Variants in FNDC1 observed in about 807,000 individuals in gnomAD.
FNDC1 encodes fibronectin type III domain-containing protein 1.
In FNDC1, 96 loss-of-function variants were observed where a neutral mutation model predicts 168.0. That is an observed-to-expected ratio of 0.57 (90% confidence interval 0.48 to 0.68). The LOEUF (loss-of-function observed/expected upper bound fraction) is 0.68, where lower values mean the gene tolerates loss of function less well. Ranked by LOEUF, FNDC1 falls within the 30% of genes least tolerant of loss-of-function variation. The pLI, the probability that FNDC1 is intolerant of heterozygous loss-of-function variation, is 0.00. For missense variants in FNDC1, 2,587 were observed against 2,482.1 expected (o/e 1.04, Z -0.90); for synonymous variants, 1,099 against 1,025.9 (o/e 1.07, Z -1.36).
At position 159,239,936 on chromosome 6, in the gene FNDC1, C is replaced by T. The variant is rs1312351388; in HGVS notation, c.4600C>T (p.Pro1534Ser). The change falls in exon 14 of 23, where the codon CCA becomes TCA. Residue 1534 changes from proline (P) to serine (S), a missense_variant. Pro to Ser is a moderately conservative substitution (Grantham distance 74, BLOSUM62 -1). Transcript: ENST00000297267. ...CCTGATAATGAGCTCCAATGGGATC[C>T]CAGAGTGCTACGCTGAAGAAGGTAA... ...GNLIMSSNGI[P>S]ECYAEEDEFS... The T allele has an allele frequency of 6.7e-7, 1 of 1,498,374 alleles. No homozygotes were observed. Among genetic ancestry groups the T allele is most frequent in the Non-Finnish European group, 8.9e-7 (1 of 1,118,088 alleles). 92.8% of individuals were successfully genotyped at this position (1,498,374 alleles called of 1,614,324 possible).
intron 10 of FNDC1, among the ~76,000 whole-genome samples, chr6:159,230,656 A>C (rs1783061731): frequency 6.6e-6 from 1 of 152,238 alleles, no homozygotes; most frequent in African/African-American, 2.4e-5. Context: ...CAAACAAGTT[A>C]ATAAAGATCC....
chr6:159,229,509 G>T (rs1783035995), intron 9 of FNDC1, among the ~76,000 whole-genome samples: 2 of 152,282 alleles, frequency 1.3e-5, no homozygotes, highest in South Asian at 4.2e-4. Context: ...TACAATTTTA[G>T]AAACCCAACG....
intron 1 of FNDC1, among the ~76,000 whole-genome samples, chr6:159,175,251 C>G (rs1781738777): frequency 6.6e-6 from 1 of 152,104 alleles, no homozygotes; most frequent in Non-Finnish European, 1.5e-5. Context: ...TTCACCATTT[C>G]TCTCTGTTAT....
chr6:159,254,630 C>T (rs904224745), intron 17 of FNDC1, among the ~76,000 whole-genome samples: 2 of 149,116 alleles, frequency 1.3e-5, no homozygotes, highest in African/African-American at 5.0e-5. Flanking sequence ...ATGGTGTGAA[C>T]CCGGGAGGTG....
At chr6:159,254,862 C>T (rs553495675) in intron 17 of FNDC1, among the ~76,000 whole-genome samples, 1 of 152,222 alleles carries the variant, frequency 6.6e-6, no homozygotes, top group African/African-American at 2.4e-5. Flanking sequence ...TTCAAGTCTC[C>T]TTCTATCTCA....
At chr6:159,177,874 C>G (rs1781797125) in intron 1 of FNDC1, among the ~76,000 whole-genome samples, 1 of 152,078 alleles carries the variant, frequency 6.6e-6, no homozygotes, top group Admixed American at 6.5e-5. Flanking sequence ...GTGCCCATTC[C>G]CCCGCAGACA....
Position 159,231,268 on chromosome 6 carries a change from G to C in FNDC1, c.1370-614G>C, listed in dbSNP as rs573533104. Among the ~76,000 whole-genome samples, 108 of 80,840 alleles carry C rather than the reference G, an allele frequency of 1.3e-3. 23 individuals carry two copies. The highest frequency in any genetic ancestry group is 2.9e-3 in the African/African-American group (97 of 33,924). 53.0% of individuals were successfully genotyped at this position (80,840 alleles called of 152,430 possible). A position where few individuals can be genotyped will look rare whatever the true frequency, so the allele number is the denominator to read the frequency against. On this transcript the variant is annotated intron_variant, in intron 10 of 22. Transcript: ENST00000297267. ...CGGGCGCCTGTAGTCCCAGCTACTC[G>C]GGAGGCTGAGGCAGGAGAATGGCGT...
At chr6:159,209,855 G>T (rs912185432) in intron 4 of FNDC1, among the ~76,000 whole-genome samples, 1 of 151,996 alleles carries the variant, frequency 6.6e-6, no homozygotes, top group Non-Finnish European at 1.5e-5. Context: ...TGAAAATGCA[G>T]CAAGAGTTTA....
At chr6:159,244,622 C>T (rs1183444047) in intron 14 of FNDC1, among the ~76,000 whole-genome samples, 1 of 152,206 alleles carries the variant, frequency 6.6e-6, no homozygotes, top group Non-Finnish European at 1.5e-5. Flanking sequence ...AGTTTATATA[C>T]CTTCTACTTC....
intron 18 of FNDC1, among the ~76,000 whole-genome samples, chr6:159,258,496 G>A (rs922645071): frequency 3.3e-5 from 5 of 152,212 alleles, no homozygotes; most frequent in African/African-American, 1.2e-4. Context: ...TCCCAGCAGA[G>A]AGGATGTCTC....
rs994882048 is a variant in FNDC1, at chr6:159,234,266, C to T, written c.3754C>T (p.Pro1252Ser). Reference sequence around the variant, plus strand: ...TCTCCCCCCACCTCCAGGCAGCTCCCCCAGGGCCTCCCACGTCCCTTCCCG... The same window carrying T: ...TCTCCCCCCACCTCCAGGCAGCTCCTCCAGGGCCTCCCACGTCCCTTCCCG... ...RPLPPPPGSS[P>S]RASHVPSRLP... is the part of the protein sequence containing the mutation. The change falls in exon 11 of 23, where the codon CCC becomes TCC. Residue 1252 changes from proline to serine, a missense_variant. Physicochemically the swap from Pro to Ser is moderately conservative, Grantham distance 74. Coordinates refer to ENST00000297267, the MANE Select transcript of FNDC1 (RefSeq NM_032532.3). 1 of 1,593,536 alleles carries T rather than the reference C, an allele frequency of 6.3e-7. No homozygotes were observed. Among genetic ancestry groups the T allele is most frequent in the Non-Finnish European group, 8.5e-7 (1 of 1,170,218 alleles).
At chr6:159,190,597 C>T (rs1292201948) in intron 1 of FNDC1, among the ~76,000 whole-genome samples, 2 of 152,288 alleles carry the variant, frequency 1.3e-5, no homozygotes, top group African/African-American at 2.4e-5. Flanking sequence ...AGCAGGGAGA[C>T]GAGGAGGTAG....
chr6:159,252,499 A>G (rs1206317149), intron 17 of FNDC1, among the ~76,000 whole-genome samples: 1 of 152,240 alleles, frequency 6.6e-6, no homozygotes, highest in African/African-American at 2.4e-5. Flanking sequence ...AGGGACACAG[A>G]AAAGAAGGCT....
intron 1 of FNDC1, among the ~76,000 whole-genome samples, chr6:159,189,648 C>A (rs747381792): frequency 3.9e-5 from 6 of 152,202 alleles, no homozygotes; most frequent in African/African-American, 1.4e-4. Flanking sequence ...ACTCTCACCC[C>A]TCCTGGGCGT....
chr6:159,205,862 T>C (rs1467385267), intron 4 of FNDC1, among the ~76,000 whole-genome samples: 5 of 152,354 alleles, frequency 3.3e-5, no homozygotes, highest in Non-Finnish European at 4.4e-5. Flanking sequence ...TCAAAAGTCA[T>C]ATTAGTGAAG....
rs111829804 is a variant in FNDC1, at chr6:159,236,473, C to T, written c.4068+158C>T. 1.2e-3 allele frequency among the ~76,000 whole-genome samples: 182 copies of T among 152,272 alleles called. 4 individuals carry two copies. The highest frequency in any genetic ancestry group is 6.8e-3 in the Middle Eastern group (2 of 294). ...CTTGTATAGAGTTTATTTTAATACT[C>T]GGAAAAATCTGTGGTTCTCCTGGTA... On this transcript the variant is annotated intron_variant, in intron 12 of 22. Coordinates refer to ENST00000297267, the MANE Select transcript of FNDC1 (RefSeq NM_032532.3).
intron 1 of FNDC1, among the ~76,000 whole-genome samples, chr6:159,178,460 C>T (rs988135817): frequency 5.9e-5 from 9 of 152,112 alleles, no homozygotes; most frequent in South Asian, 2.1e-4. Context: ...CCCCTAAAGG[C>T]GGCATTTGCA....
At chr6:159,242,404 G>T (rs545552147) in intron 14 of FNDC1, among the ~76,000 whole-genome samples, 1 of 152,218 alleles carries the variant, frequency 6.6e-6, no homozygotes, top group African/African-American at 2.4e-5. Context: ...CTTAGGTGAT[G>T]GGTTGATCTG....
At chr6:159,177,907 C>T (rs548016643) in intron 1 of FNDC1, among the ~76,000 whole-genome samples, 1 of 152,298 alleles carries the variant, frequency 6.6e-6, no homozygotes, top group East Asian at 1.9e-4. Context: ...GTTTGGACTT[C>T]ACCCTAGGCT....
Sources: gnomAD v4.1 joint callset for allele counts (sites outside exome capture counted in the v4.1 genomes callset) on GRCh38, gnomAD v4.1.1 for gene constraint, MANE v1.5 for transcripts, NCBI Gene and HGNC (gene_info 2026-07-23, HGNC 2026-07-21) for gene names.